Variants in NFU1 observed in about 807,000 individuals in gnomAD.
NFU1 encodes the protein NFU1 iron-sulfur cluster scaffold homolog, mitochondrial.
NFU1 carries 30 observed loss-of-function variants against 32.2 expected under a neutral mutation model. That is an observed-to-expected ratio of 0.93 (90% CI 0.70 to 1.26). The LOEUF (loss-of-function observed/expected upper bound fraction) is 1.26. Ranked by LOEUF, NFU1 falls within the 50% of genes most tolerant of loss-of-function variation. The probability of loss-of-function intolerance (pLI) is 0.00; values close to 1 mark genes in which losing one functional copy is unlikely to be tolerated. For missense variants in NFU1, 306 were observed against 306.6 expected, an observed-to-expected ratio of 1.00 and a Z score of 0.02; for synonymous variants, 112 against 104.6, an observed-to-expected ratio of 1.07 and a Z score of -0.43.
chr2:69,400,644 AAGTT>A, intron 6 of NFU1, 106 bp from the exon 7 acceptor site: 1 of 918,444 alleles, frequency 1.1e-6, no homozygotes, highest in Non-Finnish European at 1.7e-6. Context: ...AAAATTCACA[AAGTT>A]AGAGCTACTT....
intron 6 of NFU1, among the ~76,000 whole-genome samples, chr2:69,401,561 A>G (rs1168320529): frequency 1.3e-5 from 2 of 152,218 alleles, no homozygotes; most frequent in Non-Finnish European, 2.9e-5. Context: ...CAAATAGTGC[A>G]GTTATAAAGA....
At chr2:69,415,815 G>A (rs556624387) in intron 4 of NFU1, among the ~76,000 whole-genome samples, 1 of 152,148 alleles carries the variant, frequency 6.6e-6, no homozygotes, top group African/African-American at 2.4e-5. Context: ...CACAGCGCCT[G>A]GCCCCCTTAC....
intron 5 of NFU1, among the ~76,000 whole-genome samples, 183 bp downstream of exon 5, chr2:69,415,002 T>C (rs1673005305): frequency 6.6e-6 from 1 of 152,176 alleles, no homozygotes; most frequent in Non-Finnish European, 1.5e-5. Flanking sequence ...TTGAAAATTT[T>C]TGTTTTATAG....
chr2:69,418,721 G>A (rs886362600), intron 4 of NFU1, among the ~76,000 whole-genome samples: 8 of 151,654 alleles, frequency 5.3e-5, no homozygotes, highest in Middle Eastern at 3.2e-3. Context: ...TGCCCACCTC[G>A]GCCTCCCAAA....
In NFU1 at chr2:69,396,239, G is replaced by T; in HGVS notation, c.*7C>A. On this transcript the variant is annotated 3_prime_UTR_variant, in exon 8 of 8. Transcript: ENST00000410022. ...GACTGTTATGCCCAAAGAAAATCCA[G>T]ATTATTTTAAGGTGAGTTTGCTTCT... 1 of 1,609,596 alleles carries T rather than the reference G, an allele frequency of 6.2e-7. No homozygotes were observed.
At chr2:69,401,568 A>C (rs1042426390) in intron 6 of NFU1, among the ~76,000 whole-genome samples, 6 of 152,248 alleles carry the variant, frequency 3.9e-5, no homozygotes, top group Non-Finnish European at 5.9e-5. Flanking sequence ...TGCAGTTATA[A>C]AGATTCTTAG....
At chr2:69,413,475 C>G (rs970225000) in intron 5 of NFU1, among the ~76,000 whole-genome samples, 2 of 151,554 alleles carry the variant, frequency 1.3e-5, no homozygotes, top group African/African-American at 4.8e-5. Context: ...TCTAAAGAAG[C>G]TCTCGGCCAG....
At chr2:69,427,663 G>A (rs1345706155) in intron 2 of NFU1, among the ~76,000 whole-genome samples, 2 of 132,442 alleles carry the variant, frequency 1.5e-5, no homozygotes, top group South Asian at 2.7e-4. Context: ...CTGGGTGACA[G>A]AGTGACACTC....
chr2:69,413,836 C>G (rs527559034), intron 5 of NFU1, among the ~76,000 whole-genome samples: 23 of 151,758 alleles, frequency 1.5e-4, no homozygotes, highest in African/African-American at 5.3e-4. Context: ...ATCATGAGGT[C>G]TGGAGTTCAA....
At chr2:69,434,591 A>G (rs1346764787) in intron 1 of NFU1, among the ~76,000 whole-genome samples, 1 of 152,242 alleles carries the variant, frequency 6.6e-6, no homozygotes, top group Non-Finnish European at 1.5e-5. Context: ...TAAAATCCCA[A>G]TGCAATTTAC....
Position 69,423,651 on chromosome 2 carries a change from T to A in NFU1, c.233A>T (p.Lys78Ile), listed in dbSNP as rs954746123. 1 of 1,613,024 alleles carries A rather than the reference T, an allele frequency of 6.2e-7. No homozygotes were observed. The highest frequency in any genetic ancestry group is 8.5e-7 in the Non-Finnish European group (1 of 1,179,054). ...NPNSLKFIPG[K>I]PVLETRTMDF... Reference sequence around the variant, plus strand: ...CATGGTCCTTGTCTCAAGAACTGGTTTTCCTGGTATAAACTTTAAGCTGTT... The same window carrying A: ...CATGGTCCTTGTCTCAAGAACTGGTATTCCTGGTATAAACTTTAAGCTGTT... Residue 78 changes from lysine (K) to isoleucine (I), a missense_variant, in exon 3 of 8, where the codon AAA (lysine) becomes ATA (isoleucine). By Grantham distance (102) the Lys-to-Ile change is moderately radical (BLOSUM62 -3). Transcript: ENST00000410022.
At chr2:69,420,507 TC>T (rs1673202211) in intron 3 of NFU1, among the ~76,000 whole-genome samples, 1 of 152,254 alleles carries the variant, frequency 6.6e-6, no homozygotes. Context: ...AATCCTGTTA[TC>T]AGTTTCGTGT....
upstream of NFU1, among the ~76,000 whole-genome samples, chr2:69,438,078 T>C (rs183323417): frequency 4.6e-5 from 7 of 152,060 alleles, no homozygotes; most frequent in East Asian, 1.4e-3. Flanking sequence ...CTTCCTGGAG[T>C]ATTCCGTTTT....
chr2:69,418,245 CA>C, intron 4 of NFU1, among the ~76,000 whole-genome samples: 1 of 151,982 alleles, frequency 6.6e-6, no homozygotes, highest in South Asian at 2.1e-4. Flanking sequence ...ACAAAAAATA[CA>C]AAAATTAGTT....
rs34747434 is a variant in NFU1, at chr2:69,415,381, C to CT, written c.370-83dup. ...GAACACTACCTTATACCTCTTTTTTCTTTTTTTTTTTTGAGATGGAGTCTC... is the reference window on the plus strand; with the variant it reads ...GAACACTACCTTATACCTCTTTTTTCTTTTTTTTTTTTTGAGATGGAGTCTC... On this transcript the variant is annotated intron_variant, in intron 4 of 7. Transcript: ENST00000410022. 0.21 allele frequency: 128,951 copies of CT among 603,212 alleles called. 3,858 individuals are homozygous for CT. The highest frequency in any genetic ancestry group is 0.31 in the African/African-American group (15,840 of 50,832). 37.4% of individuals were successfully genotyped at this position (603,212 alleles called of 1,614,324 possible).
intron 3 of NFU1, among the ~76,000 whole-genome samples, chr2:69,420,944 C>A (rs1673218073): frequency 6.6e-6 from 1 of 152,132 alleles, no homozygotes; most frequent in Non-Finnish European, 1.5e-5. Context: ...CGAAAAACAG[C>A]CTGTAATCCC....
At chr2:69,439,476 A>G (rs2104833947), upstream of NFU1, among the ~76,000 whole-genome samples, 1 of 152,322 alleles carries the variant, frequency 6.6e-6, no homozygotes, top group African/African-American at 2.4e-5. Context: ...TAAAGACAGC[A>G]CGGGCCCAAA....
intron 5 of NFU1, among the ~76,000 whole-genome samples, chr2:69,413,975 A>G (rs1672973123): frequency 6.6e-6 from 1 of 151,988 alleles, no homozygotes; most frequent in African/African-American, 2.4e-5. Context: ...GGAACCCAGG[A>G]GGCAGAGGCT....
At chr2:69,406,478 T>C (rs1375778382) in intron 5 of NFU1, among the ~76,000 whole-genome samples, 1 of 152,232 alleles carries the variant, frequency 6.6e-6, no homozygotes, top group East Asian at 1.9e-4. Flanking sequence ...ACTTTGTAAG[T>C]TAAGTTACAT....
Sources: allele counts gnomAD v4.1 joint callset (sites outside exome capture counted in the v4.1 genomes callset), GRCh38; gene constraint gnomAD v4.1.1; transcripts MANE v1.5; gene names NCBI Gene and HGNC (gene_info 2026-07-23, HGNC 2026-07-21).